The following TAF2 variants were observed in gnomAD, a reference collection of about 807,000 sequenced individuals.
TAF2 encodes transcription initiation factor TFIID subunit 2.
A neutral mutation model predicts 138.5 loss-of-function variants in TAF2; 61 were observed. That is an observed-to-expected ratio of 0.44 (90% CI 0.36 to 0.54). The LOEUF (loss-of-function observed/expected upper bound fraction) is 0.54, where lower values mean the gene tolerates loss of function less well. TAF2 is among the 20% of genes least tolerant of loss of function. The pLI, the probability that TAF2 is intolerant of heterozygous loss-of-function variation, is 0.00. For missense variants in TAF2, 1,090 were observed against 1,427.9 expected (o/e 0.76, Z 3.81); for synonymous variants, 475 against 469.9 (o/e 1.01, Z -0.14).
At chr8:119,789,114 A>G (rs545574707) in intron 12 of TAF2, among the ~76,000 whole-genome samples, 1 of 152,320 alleles carries the variant, frequency 6.6e-6, no homozygotes, top group South Asian at 2.1e-4. Context: ...AACACTGACA[A>G]ATTTGTGTTT....
At position 119,832,647 on chromosome 8, in the gene TAF2, C is replaced by T. The variant is rs1826542242; in HGVS notation, c.-83G>A. The T allele has an allele frequency of 1.1e-4, 152 of 1,364,520 alleles. 2 individuals are homozygous for T. In the South Asian group the frequency reaches 1.8e-3, roughly 16 times the overall value. 84.5% of individuals were successfully genotyped at this position (1,364,520 alleles called of 1,614,324 possible). On this transcript the variant is annotated 5_prime_UTR_variant, in exon 1 of 26. The change creates a new upstream start codon in the 5' untranslated region. Coordinates refer to ENST00000378164, the MANE Select transcript of TAF2 (RefSeq NM_003184.4). ...AGTCTTTGGCACCTCACACTCTCCA[C>T]TCCCCTGCGGTCCCCAAGTCACGTC...
At chr8:119,735,943 A>G (rs560361353) in intron 25 of TAF2, among the ~76,000 whole-genome samples, 14 of 152,346 alleles carry the variant, frequency 9.2e-5, no homozygotes, top group Non-Finnish European at 1.8e-4. Flanking sequence ...ATCATTCTAT[A>G]TCAACAGACT....
rs959892458 is a variant in TAF2, at chr8:119,811,699, G to A, written c.300-5298C>T. Among the ~76,000 whole-genome samples the A allele has an allele frequency of 2.1e-4, 31 of 150,876 alleles. 1 individual carries two copies. The highest frequency in any genetic ancestry group is 5.3e-4 in the African/African-American group (22 of 41,146). On this transcript the variant is annotated intron_variant, in intron 3 of 25. Coordinates refer to ENST00000378164, the MANE Select transcript of TAF2 (RefSeq NM_003184.4). Reference sequence around the variant, plus strand: ...TGGGCGCCTGTAATCCCAGCTACTCGGGAGGCTGAGGCAGGAGAATGGCAT... The same window carrying A: ...TGGGCGCCTGTAATCCCAGCTACTCAGGAGGCTGAGGCAGGAGAATGGCAT...
chr8:119,763,078 A>G (rs1821175004), intron 18 of TAF2, among the ~76,000 whole-genome samples: 1 of 152,338 alleles, frequency 6.6e-6, no homozygotes, highest in East Asian at 1.9e-4. Context: ...CAGCATGCTG[A>G]GAATATTTTG....
At position 119,797,048 on chromosome 8, in the gene TAF2, A is replaced by G. The variant is rs765380035; in HGVS notation, c.1033T>C (p.Cys345Arg). ...IIDETPLTRR[C>R]LAQSLAQQFF... ...TGCTGGGCCAAGGATTGGGCTAAACACCTTCTAGTCAAAGGTGTCTCATCT... is the reference window on the plus strand; with the variant it reads ...TGCTGGGCCAAGGATTGGGCTAAACGCCTTCTAGTCAAAGGTGTCTCATCT... Residue 345 changes from cysteine to arginine, a missense_variant, in exon 8 of 26, where the codon TGT becomes CGT. Around this residue, in one of 3 missense-constraint regions of TAF2, gnomAD observed 504 missense variants for 680.9 expected, o/e 0.74. Transcript: ENST00000378164. 3.1e-6 allele frequency: 5 copies of G among 1,613,390 alleles called. 1 individual carries two copies. Among genetic ancestry groups the G allele is most frequent in the Non-Finnish European group, 1.7e-6 (2 of 1,179,550 alleles).
intron 17 of TAF2, among the ~76,000 whole-genome samples, chr8:119,779,529 C>T (rs996197099): frequency 2.0e-5 from 3 of 152,046 alleles, no homozygotes; most frequent in African/African-American, 7.2e-5. Context: ...ACCATAAATT[C>T]GTGAAATGGT....
At chr8:119,746,657 T>A in intron 23 of TAF2, 48 bp downstream of exon 23, 1 of 1,568,336 alleles carries the variant, frequency 6.4e-7, no homozygotes, top group South Asian at 1.1e-5. Context: ...CTTCTCTAGA[T>A]CCTCTATATA....
chr8:119,743,010 A>T (rs1343965062), intron 24 of TAF2, among the ~76,000 whole-genome samples: 1 of 152,094 alleles, frequency 6.6e-6, no homozygotes, highest in Non-Finnish European at 1.5e-5. Context: ...CAAAGGCTGC[A>T]GTTAGCAGAG....
rs897474902 is a variant in TAF2, at chr8:119,810,529, T to C, written c.300-4128A>G. ...ATACCTAACAGTGGGACTAGAGTCA[T>C]ATGGTAAACACATTTAACTTTCTAA... On this transcript the variant is annotated intron_variant, in intron 3 of 25. Coordinates refer to ENST00000378164, the MANE Select transcript of TAF2 (RefSeq NM_003184.4). Among the ~76,000 whole-genome samples the C allele has an allele frequency of 9.9e-5, 15 of 152,248 alleles. 1 individual carries two copies. The highest frequency in any genetic ancestry group is 5.9e-4 in the Admixed American group (9 of 15,292).
chr8:119,801,236 T>C (rs2131204970), intron 6 of TAF2, among the ~76,000 whole-genome samples: 1 of 152,260 alleles, frequency 6.6e-6, no homozygotes, highest in African/African-American at 2.4e-5. Context: ...ATATGCTAAA[T>C]CAAGATATAA....
intron 22 of TAF2, among the ~76,000 whole-genome samples, chr8:119,750,158 C>G (rs1188226413): frequency 1.3e-5 from 2 of 152,108 alleles, no homozygotes; most frequent in African/African-American, 2.4e-5. Flanking sequence ...CTGGTTAACA[C>G]AGTGAAACCC....
intron 2 of TAF2, among the ~76,000 whole-genome samples, chr8:119,823,859 AGGCTGAGGTG>A (rs1825937490): frequency 6.6e-6 from 1 of 152,240 alleles, no homozygotes; most frequent in South Asian, 2.1e-4. Flanking sequence ...AATAAGGCCC[AGGCTGAGGTG>A]GTCTCAGATG....
rs145206686 is a variant in TAF2 at position 119,739,244 on chromosome 8, GC to G, written c.3337+3289del. Among the ~76,000 whole-genome samples, 1,391 of 152,184 alleles carry G rather than the reference GC, an allele frequency of 9.1e-3. 20 individuals are homozygous for G. The highest frequency in any genetic ancestry group is 0.032 in the African/African-American group (1,327 of 41,530). On this transcript the variant is annotated intron_variant, in intron 25 of 25. Transcript: ENST00000378164. ...CTGGGAGACAGTCCAGTCACCTCAA[GC>G]TCTGCAGTAACAGACAGGGAGCTGC... is the stretch of plus-strand genomic sequence containing the variant.
chr8:119,815,215 G>T (rs1825373501), intron 3 of TAF2, among the ~76,000 whole-genome samples: 1 of 151,858 alleles, frequency 6.6e-6, no homozygotes, highest in Non-Finnish European at 1.5e-5. Context: ...CTGGGAGGCG[G>T]AGGTTGCAGT....
chr8:119,824,605 G>A (rs1320497827), intron 2 of TAF2, among the ~76,000 whole-genome samples: 2 of 152,186 alleles, frequency 1.3e-5, no homozygotes, highest in Non-Finnish European at 1.5e-5. Flanking sequence ...CAGGCCCGGA[G>A]GCCTAGGAGG....
At chr8:119,739,460 C>T (rs906215769) in intron 25 of TAF2, among the ~76,000 whole-genome samples, 2 of 152,060 alleles carry the variant, frequency 1.3e-5, no homozygotes, top group Non-Finnish European at 2.9e-5. Context: ...TATGATCCTG[C>T]CCTAAAATAT....
intron 5 of TAF2, among the ~76,000 whole-genome samples, 187 bp downstream of exon 5, chr8:119,803,691 G>GAA (rs142168455): frequency 2.9e-4 from 39 of 132,316 alleles, no homozygotes; most frequent in African/African-American, 5.5e-4. Context: ...AAGACTGTCT[G>GAA]AAAAAAAAAA....
At chr8:119,780,220 T>C (rs1163822035) in intron 17 of TAF2, among the ~76,000 whole-genome samples, 1 of 152,170 alleles carries the variant, frequency 6.6e-6, no homozygotes, top group Non-Finnish European at 1.5e-5. Context: ...CATCCTGTCA[T>C]TCCCATATCC....
chr8:119,805,189 A>T (rs1436746101), intron 4 of TAF2, among the ~76,000 whole-genome samples: 1 of 152,244 alleles, frequency 6.6e-6, no homozygotes. Flanking sequence ...AGGTTTAAAA[A>T]GTCTGCAGAC....
Sources: gnomAD v4.1 joint callset for allele counts (sites outside exome capture counted in the v4.1 genomes callset) on GRCh38, gnomAD v4.1.1 for gene constraint, gnomAD v4.1.1 regional missense constraint, MANE v1.5 for transcripts, NCBI Gene and HGNC (gene_info 2026-07-23, HGNC 2026-07-21) for gene names.